The following SLF2 variants were observed in gnomAD, a reference collection of about 807,000 sequenced individuals.
SLF2 encodes the protein SMC5-SMC6 complex localization factor protein 2.
A neutral mutation model predicts 124.3 loss-of-function variants in SLF2; 68 were observed. The ratio of observed to expected loss-of-function variants is 0.55; its 90% CI spans 0.45 to 0.67. The LOEUF (loss-of-function observed/expected upper bound fraction) is 0.67, where lower values mean the gene tolerates loss of function less well. Among genes scored for constraint, SLF2 ranks in the 30% least tolerant of loss-of-function variants. The probability of loss-of-function intolerance (pLI) is 0.00; values close to 1 mark genes in which losing one functional copy is unlikely to be tolerated. For synonymous variants in SLF2, 480 were observed against 478.8 expected (o/e 1.00, Z -0.03); for missense variants, 1,246 against 1,373.7 (o/e 0.91, Z 1.47).
At chr10:100,945,841 A>G (rs1850094773) in intron 13 of SLF2, among the ~76,000 whole-genome samples, 1 of 152,232 alleles carries the variant, frequency 6.6e-6, no homozygotes, top group Non-Finnish European at 1.5e-5. Flanking sequence ...AAACAAGTAA[A>G]TGTTGATTAT....
chr10:100,916,898 A>G lies in SLF2; in HGVS notation c.513A>G (p.Pro171=), dbSNP rs778103470. 2 of 1,614,236 alleles carry G rather than the reference A, an allele frequency of 1.2e-6. No individual in the cohort carries two copies. Among genetic ancestry groups the G allele is most frequent in the Non-Finnish European group, 1.7e-6 (2 of 1,180,048 alleles). Residue 171 remains proline, a synonymous_variant, in exon 3 of 20, where the codon CCA becomes CCG. Transcript: ENST00000238961. ...MKSLKKKHRS[P]ERRKSLFIHE... Reference sequence around the variant, plus strand: ...CACTAAAGAAAAAACATCGATCCCCAGAGAGAAGGAAGTCACTATTCATTC... The same window carrying G: ...CACTAAAGAAAAAACATCGATCCCCGGAGAGAAGGAAGTCACTATTCATTC...
At chr10:100,953,315 G>A (rs559240533) in intron 17 of SLF2, among the ~76,000 whole-genome samples, 9 of 148,990 alleles carry the variant, frequency 6.0e-5, no homozygotes, top group African/African-American at 1.5e-4. Flanking sequence ...CCACCATGCC[G>A]GCTATAAATT....
chr10:100,918,502 T>G, intron 4 of SLF2, 61 bp downstream of exon 4: 5 of 1,113,888 alleles, frequency 4.5e-6, no homozygotes, highest in Non-Finnish European at 6.5e-6. Flanking sequence ...GGCACTGCTT[T>G]TTAAAATAAA....
chr10:100,938,551 G>A lies in SLF2; in HGVS notation c.2513-44G>A, dbSNP rs971851910. On this transcript the variant is annotated intron_variant, in intron 10 of 19. Coordinates refer to ENST00000238961, the MANE Select transcript of SLF2 (RefSeq NM_018121.4). ...ACTGTCACCTTGCAAATGTGGGTTT[G>A]TAGACCACAGATTTAGAATGAAATG... 3.8e-6 allele frequency: 6 copies of A among 1,574,902 alleles called. No homozygotes were observed. The Admixed American group carries it at 5.6e-5, about 15-fold the overall frequency.
Position 100,944,105 on chromosome 10 carries a change from A to G in SLF2, c.2734A>G (p.Thr912Ala). Residue 912 changes from threonine (T) to alanine (A), a missense_variant, in exon 12 of 20, where the codon ACC (threonine) becomes GCC (alanine). Thr to Ala is a moderately conservative substitution (Grantham distance 58). Coordinates refer to ENST00000238961, the MANE Select transcript of SLF2 (RefSeq NM_018121.4). ...YKPIFSTLPETNILNVVKFLG... is the reference protein window; with the variant it reads ...YKPIFSTLPEANILNVVKFLG... ...GCCAATTTTTTCAACACTTCCTGAAACCAACATTTTAAATGTGGTTAAGGT... is the reference window on the plus strand; with the variant it reads ...GCCAATTTTTTCAACACTTCCTGAAGCCAACATTTTAAATGTGGTTAAGGT... 1 of 1,611,664 alleles carries G rather than the reference A, an allele frequency of 6.2e-7. No homozygotes were observed. Among genetic ancestry groups the G allele is most frequent in the Non-Finnish European group, 8.5e-7 (1 of 1,178,244 alleles).
At chr10:100,930,903 T>C in intron 8 of SLF2, 73 bp from the exon 9 acceptor site, 1 of 1,102,366 alleles carries the variant, frequency 9.1e-7, no homozygotes, top group Non-Finnish European at 1.4e-6. Context: ...TTATGTCAGA[T>C]GTGTTGGTGG....
chr10:100,945,975 T>C (rs1850096949), intron 13 of SLF2, among the ~76,000 whole-genome samples: 1 of 152,206 alleles, frequency 6.6e-6, no homozygotes, highest in Admixed American at 6.5e-5. Flanking sequence ...CAAAATAACC[T>C]TGGAGCAGAG....
chr10:100,936,608 T>C (rs1468131063), intron 9 of SLF2, among the ~76,000 whole-genome samples: 3 of 152,222 alleles, frequency 2.0e-5, no homozygotes, highest in African/African-American at 7.2e-5. Flanking sequence ...GTGCTGGGAT[T>C]ACAGGCTGAG....
intron 3 of SLF2, 37 bp downstream of exon 3, chr10:100,917,337 C>A: frequency 1.3e-6 from 2 of 1,550,100 alleles, no homozygotes; most frequent in Middle Eastern, 2.4e-4. Flanking sequence ...ATTGCTACTG[C>A]TATGTCATAT....
Position 100,961,966 on chromosome 10 carries a change from C to A in SLF2, c.*54C>A. Reference sequence around the variant, plus strand: ...CAAGAGAAATTCAATAAGAGCCTTTCATAGAGGAGTAGAAAGGATTATTAC... The same window carrying A: ...CAAGAGAAATTCAATAAGAGCCTTTAATAGAGGAGTAGAAAGGATTATTAC... On this transcript the variant is annotated 3_prime_UTR_variant, in exon 20 of 20. Coordinates refer to ENST00000238961, the MANE Select transcript of SLF2 (RefSeq NM_018121.4). The A allele has an allele frequency of 1.3e-6, 2 of 1,505,428 alleles. No individual in the cohort carries two copies. The highest frequency in any genetic ancestry group is 1.2e-5 in the South Asian group (1 of 82,596). 93.3% of individuals were successfully genotyped at this position (1,505,428 alleles called of 1,614,324 possible).
rs767340194 is a variant in SLF2 at position 100,947,982 on chromosome 10, T to G, written c.3120+135T>G. 162 of 551,372 alleles carry G rather than the reference T, an allele frequency of 2.9e-4. 2 individuals are homozygous for G. In the Middle Eastern group the frequency reaches 5.5e-3, roughly 19 times the overall value. 34.2% of individuals were successfully genotyped at this position (551,372 alleles called of 1,614,324 possible). On this transcript the variant is annotated intron_variant, in intron 15 of 19. Transcript: ENST00000238961. Reference sequence around the variant, plus strand: ...AGCTTGATACTGTTCATGTAATCTCTAGCACACTTAACTAACAAGATCCAA... The same window carrying G: ...AGCTTGATACTGTTCATGTAATCTCGAGCACACTTAACTAACAAGATCCAA...
intron 4 of SLF2, among the ~76,000 whole-genome samples, chr10:100,919,143 C>G (rs961985270): frequency 2.0e-5 from 3 of 149,262 alleles, no homozygotes; most frequent in Non-Finnish European, 3.0e-5. Context: ...TCCCAAATAT[C>G]TGGGACTACA....
chr10:100,945,248 G>T, intron 12 of SLF2, 82 bp from the exon 13 acceptor site: 1 of 1,178,518 alleles, frequency 8.5e-7, no homozygotes, highest in Non-Finnish European at 1.2e-6. Context: ...TGCATCTTTT[G>T]TCAAAAAGAG....
rs753432952 is a variant in SLF2, at chr10:100,917,161, A to G, written c.776A>G (p.Gln259Arg). 1.2e-5 allele frequency: 19 copies of G among 1,614,124 alleles called. No homozygotes were observed. The African/African-American group carries it at 1.9e-4, about 16-fold the overall frequency. Residue 259 changes from glutamine to arginine, a missense_variant, in exon 3 of 20, where the codon CAG (glutamine) becomes CGG (arginine). This residue lies in a region of SLF2 where 698 missense variants were observed against 708.9 expected (regional missense o/e 0.98). Transcript: ENST00000238961. The part of the protein sequence containing the change: ...LKRLRKEQME[Q>R]RINSENSFSE... ...AGGTTGAGAAAGGAGCAAATGGAGC[A>G]GAGAATCAACTCCGAGAATTCTTTC...
intron 19 of SLF2, 179 bp downstream of exon 19, chr10:100,959,675 T>C (rs1030988118): frequency 4.4e-6 from 5 of 1,137,978 alleles, no homozygotes; most frequent in African/African-American, 1.6e-5. Flanking sequence ...TTGCTTTATA[T>C]TCATTAATTT....
At chr10:100,940,237 C>T (rs1456357190) in intron 11 of SLF2, among the ~76,000 whole-genome samples, 2 of 152,142 alleles carry the variant, frequency 1.3e-5, no homozygotes, top group Non-Finnish European at 2.9e-5. Flanking sequence ...TGGCTATAGT[C>T]ACTATTGTTG....
chr10:100,956,084 CTTTTTTTT>C (rs879338416), intron 17 of SLF2, among the ~76,000 whole-genome samples: 1 of 141,974 alleles, frequency 7.0e-6, no homozygotes, highest in Non-Finnish European at 1.5e-5. Context: ...AAATTTTTTT[CTTTTTTTT>C]TTTTTAAAAG....
chr10:100,943,973 T>A, intron 11 of SLF2, 53 bp from the exon 12 acceptor site: 1 of 1,150,620 alleles, frequency 8.7e-7, no homozygotes, highest in Non-Finnish European at 1.2e-6. Context: ...TTTCTTAAAG[T>A]GAGTTATATA....
At chr10:100,941,548 G>T (rs563822880) in intron 11 of SLF2, among the ~76,000 whole-genome samples, 2 of 152,180 alleles carry the variant, frequency 1.3e-5, no homozygotes, top group South Asian at 2.1e-4. Flanking sequence ...CTTTCCACCT[G>T]CAAGGTATTA....
Sources: gnomAD v4.1 joint callset for allele counts (sites outside exome capture counted in the v4.1 genomes callset) on GRCh38, gnomAD v4.1.1 for gene constraint, gnomAD v4.1.1 regional missense constraint, MANE v1.5 for transcripts, NCBI Gene and HGNC (gene_info 2026-07-23, HGNC 2026-07-21) for gene names.